Variants in PCCA observed in about 807,000 individuals in gnomAD.
The protein encoded by PCCA is propionyl-CoA carboxylase alpha chain, mitochondrial.
A neutral mutation model predicts 101.3 loss-of-function variants in PCCA; 74 were observed. The observed-to-expected ratio is 0.73, with a 90% CI of 0.61 to 0.89. The LOEUF (loss-of-function observed/expected upper bound fraction) is 0.89, where lower values mean the gene tolerates loss of function less well. Among genes scored for constraint, PCCA ranks in the 40% least tolerant of loss-of-function variants. PCCA has a pLI of 0.00. For missense variants in PCCA, 891 were observed against 907.0 expected, an observed-to-expected ratio of 0.98 and a Z score of 0.23; for synonymous variants, 294 against 313.6, an observed-to-expected ratio of 0.94 and a Z score of 0.66.
chr13:100,279,368 G>A (rs2063909271), intron 12 of PCCA, among the ~76,000 whole-genome samples: 1 of 152,100 alleles, frequency 6.6e-6, no homozygotes. Flanking sequence ...TATTTGATGT[G>A]GAGGATATAA....
chr13:100,462,995 CAGG>C (rs1201169979), intron 21 of PCCA, among the ~76,000 whole-genome samples: 1 of 152,122 alleles, frequency 6.6e-6, no homozygotes, highest in African/African-American at 2.4e-5. Context: ...ATTGAGTTTG[CAGG>C]AGAAGGCATT....
chr13:100,287,687 T>C (rs907892800), intron 12 of PCCA, among the ~76,000 whole-genome samples: 1 of 152,172 alleles, frequency 6.6e-6, no homozygotes, highest in African/African-American at 2.4e-5. Context: ...TTCTTTTCTG[T>C]AGGCATGGCT....
intron 12 of PCCA, among the ~76,000 whole-genome samples, chr13:100,291,662 A>AG (rs2065135130): frequency 6.6e-6 from 1 of 152,220 alleles, no homozygotes; most frequent in African/African-American, 2.4e-5. Context: ...AAGTGACAGC[A>AG]GCCCTTCAGA....
intron 21 of PCCA, among the ~76,000 whole-genome samples, chr13:100,455,813 T>C (rs2081666025): frequency 6.6e-6 from 1 of 151,976 alleles, no homozygotes; most frequent in South Asian, 2.1e-4. Flanking sequence ...AATTCTTCTG[T>C]CTCAGCCTCC....
intron 8 of PCCA, among the ~76,000 whole-genome samples, chr13:100,250,839 A>T (rs894366840): frequency 1.3e-5 from 2 of 152,166 alleles, no homozygotes; most frequent in African/African-American, 4.8e-5. Flanking sequence ...CAAGTCTAGC[A>T]TAGTCCTTTC....
intron 18 of PCCA, among the ~76,000 whole-genome samples, chr13:100,353,465 A>C (rs1215763123): frequency 3.3e-5 from 5 of 152,230 alleles, no homozygotes; most frequent in African/African-American, 1.2e-4. Context: ...ATTAGAAAGC[A>C]ACAAGGAAAA....
chr13:100,220,923 C>G (rs1480927115), intron 7 of PCCA, among the ~76,000 whole-genome samples: 2 of 152,136 alleles, frequency 1.3e-5, no homozygotes, highest in African/African-American at 4.8e-5. Context: ...CTGACAGTGC[C>G]TTGTTGGTTT....
intron 19 of PCCA, among the ~76,000 whole-genome samples, chr13:100,405,083 A>G (rs1408124481): frequency 2.0e-5 from 3 of 152,174 alleles, no homozygotes; most frequent in African/African-American, 7.2e-5. Flanking sequence ...TCCTCCTCCA[A>G]CAAGGGAGAG....
At chr13:100,195,611 T>C (rs960081119) in intron 6 of PCCA, among the ~76,000 whole-genome samples, 1 of 152,226 alleles carries the variant, frequency 6.6e-6, no homozygotes, top group Non-Finnish European at 1.5e-5. Flanking sequence ...TTTCTTTGAT[T>C]CTTGTCAGTG....
rs191981037 is a variant in PCCA, at chr13:100,421,771, G to A, written c.1747-3862G>A. ...GCGATCTCAGCTCACTGCAACCTCTGCCTCCCAGGTTCAAGCGATTCTCCT... is the reference window on the plus strand; with the variant it reads ...GCGATCTCAGCTCACTGCAACCTCTACCTCCCAGGTTCAAGCGATTCTCCT... On this transcript the variant is annotated intron_variant, in intron 19 of 23. Transcript: ENST00000376285. Among the ~76,000 whole-genome samples the A allele has an allele frequency of 3.5e-3, 538 of 151,774 alleles. 2 individuals carry two copies. The highest frequency in any genetic ancestry group is 0.01 in the Middle Eastern group (3 of 292).
At chr13:100,496,293 G>A (rs2085271086) in intron 21 of PCCA, among the ~76,000 whole-genome samples, 1 of 152,206 alleles carries the variant, frequency 6.6e-6, no homozygotes, top group Admixed American at 6.5e-5. Flanking sequence ...TTCTGGCCCA[G>A]GATCCGCTCA....
At chr13:100,508,140 G>C (rs564529438) in intron 21 of PCCA, among the ~76,000 whole-genome samples, 7 of 151,588 alleles carry the variant, frequency 4.6e-5, no homozygotes, top group Non-Finnish European at 7.4e-5. Context: ...ATCATCTTTC[G>C]GAAGCAAGCC....
chr13:100,434,897 T>C (rs1212480177), intron 20 of PCCA, among the ~76,000 whole-genome samples: 1 of 152,186 alleles, frequency 6.6e-6, no homozygotes, highest in Non-Finnish European at 1.5e-5. Context: ...CTCAAATTAA[T>C]TTTCCTCTTT....
intron 19 of PCCA, among the ~76,000 whole-genome samples, chr13:100,401,603 G>T (rs2077370118): frequency 6.6e-6 from 1 of 151,936 alleles, no homozygotes; most frequent in Non-Finnish European, 1.5e-5. Flanking sequence ...CTTCATGAGT[G>T]AATGTAGCTT....
At chr13:100,516,736 C>CGTGTGTGTGT (rs3840000) in intron 22 of PCCA, among the ~76,000 whole-genome samples, 135 of 145,064 alleles carry the variant, frequency 9.3e-4, no homozygotes, top group African/African-American at 2.2e-3. Context: ...AGAAAAATTA[C>CGTGTGTGTGT]GTGTGTGTGT....
chr13:100,225,653 T>G (rs2060103951), intron 7 of PCCA, among the ~76,000 whole-genome samples: 1 of 152,166 alleles, frequency 6.6e-6, no homozygotes, highest in Non-Finnish European at 1.5e-5. Flanking sequence ...TAAACATTAG[T>G]GTATTTGTCC....
At chr13:100,121,153 GTTTTTTTT>G (rs747251831) in intron 4 of PCCA, among the ~76,000 whole-genome samples, 3 of 99,478 alleles carry the variant, frequency 3.0e-5, no homozygotes, top group African/African-American at 8.1e-5. Context: ...GATTTCTTAG[GTTTTTTTT>G]TTTTTTTTTT....
At chr13:100,437,307 A>G (rs1350348559) in intron 20 of PCCA, among the ~76,000 whole-genome samples, 3 of 152,158 alleles carry the variant, frequency 2.0e-5, no homozygotes, top group African/African-American at 7.2e-5. Context: ...ATTGTGGATA[A>G]CTTTGAATAT....
intron 20 of PCCA, among the ~76,000 whole-genome samples, chr13:100,445,303 A>G (rs901607723): frequency 3.9e-5 from 6 of 152,312 alleles, no homozygotes; most frequent in Middle Eastern, 3.4e-3. Flanking sequence ...TGGAGGAGAT[A>G]AACTTTCAAA....
Sources: allele counts gnomAD v4.1 joint callset (sites outside exome capture counted in the v4.1 genomes callset), GRCh38; gene constraint gnomAD v4.1.1; transcripts MANE v1.5; gene names NCBI Gene and HGNC (gene_info 2026-07-23, HGNC 2026-07-21).